The following ABI3BP variants were observed in gnomAD, a reference collection of about 807,000 sequenced individuals.
ABI3BP encodes target of Nesh-SH3.
In ABI3BP, 216 loss-of-function variants were observed where a neutral mutation model predicts 268.6. The ratio of observed to expected loss-of-function variants is 0.80; its 90% CI spans 0.72 to 0.90. The LOEUF (loss-of-function observed/expected upper bound fraction) is 0.90, where lower values mean the gene tolerates loss of function less well. Among genes scored for constraint, ABI3BP ranks in the 40% least tolerant of loss-of-function variants. The pLI, the probability that ABI3BP is intolerant of heterozygous loss-of-function variation, is 0.00. For missense variants in ABI3BP, 2,090 were observed against 2,182.4 expected, an observed-to-expected ratio of 0.96 and a Z score of 0.84; for synonymous variants, 730 against 730.0, an observed-to-expected ratio of 1.00 and a Z score of 0.00.
intron 2 of ABI3BP, among the ~76,000 whole-genome samples, chr3:100,912,330 A>G (rs1247681650): frequency 1.3e-5 from 2 of 150,148 alleles, no homozygotes; most frequent in South Asian, 2.1e-4. Flanking sequence ...GTATGCATCA[A>G]TGAGTCAAAG....
chr3:100,982,580 A>C (rs1464794149), intron 1 of ABI3BP, among the ~76,000 whole-genome samples: 1 of 151,910 alleles, frequency 6.6e-6, no homozygotes, highest in Non-Finnish European at 1.5e-5. Flanking sequence ...GGACTCCTGC[A>C]CTTTACCCAC....
At chr3:100,883,615 G>A (rs143778503) in intron 6 of ABI3BP, among the ~76,000 whole-genome samples, 2 of 152,152 alleles carry the variant, frequency 1.3e-5, no homozygotes, top group African/African-American at 2.4e-5. Context: ...CAACAATTTA[G>A]CGATGAAAAT....
Position 100,749,742 on chromosome 3 carries a change from C to T in ABI3BP, c.*753G>A, listed in dbSNP as rs139406979. 12 of 398,290 alleles carry T rather than the reference C, an allele frequency of 3.0e-5. No individual in the cohort carries two copies. Among genetic ancestry groups the T allele is most frequent in the African/African-American group, 1.9e-4 (9 of 48,646 alleles). The allele number at this position is 398,290 out of a possible 1,614,324, so 24.7% of individuals were successfully genotyped here. A position where few individuals can be genotyped will look rare whatever the true frequency, so the allele number is the denominator to read the frequency against. On this transcript the variant is annotated 3_prime_UTR_variant, in exon 68 of 68. Coordinates refer to ENST00000471714, the MANE Select transcript of ABI3BP (RefSeq NM_001375547.2). ...TAGAATCATAAAAACAATATGAAGA[C>T]GATTGCATAAAGGGATAGTTTGACA...
At chr3:100,833,181 C>G (rs1320377168) in intron 29 of ABI3BP, 24 bp from the exon 30 acceptor site, 8 of 1,528,676 alleles carry the variant, frequency 5.2e-6, no homozygotes, top group Non-Finnish European at 6.1e-6. Flanking sequence ...TGATCAAAAG[C>G]AATTTTAAAA....
chr3:100,780,313 C>G, intron 57 of ABI3BP, 104 bp from the exon 58 acceptor site: 1 of 1,077,132 alleles, frequency 9.3e-7, no homozygotes. Context: ...AGAGCAGGAG[C>G]ATTGGTGTTT....
At chr3:100,867,245 G>C (rs560226024) in intron 9 of ABI3BP, among the ~76,000 whole-genome samples, 1 of 151,018 alleles carries the variant, frequency 6.6e-6, no homozygotes, top group African/African-American at 2.4e-5. Context: ...ACATCTCAAA[G>C]TCATCTGATT....
chr3:100,847,869 T>C (rs890402737), intron 18 of ABI3BP, among the ~76,000 whole-genome samples, 196 bp from the exon 19 acceptor site: 4 of 152,226 alleles, frequency 2.6e-5, no homozygotes, highest in Non-Finnish European at 4.4e-5. Flanking sequence ...TATCTTATAA[T>C]GGAATAAGCA....
At position 100,866,956 on chromosome 3, in the gene ABI3BP, G is replaced by A; in HGVS notation, c.911C>T (p.Ala304Val). ...AGGTAATGCCAAGGTTTCATTCTTA[G>A]CTAAAAAGTCAGAGAACAAACAATT... Reference protein sequence around the residue: ...EISDALKTQLAKNETLALPAE... With the variant: ...EISDALKTQLVKNETLALPAE... Residue 304 changes from alanine (A) to valine (V), a missense_variant and splice_region_variant, in exon 10 of 68, where the codon GCT (alanine) becomes GTT (valine). By Grantham distance (64) the Ala-to-Val change is moderately conservative (BLOSUM62 0). Coordinates refer to ENST00000471714, the MANE Select transcript of ABI3BP (RefSeq NM_001375547.2). The A allele has an allele frequency of 6.2e-7, 1 of 1,613,314 alleles. No homozygotes were observed.
chr3:100,970,353 T>C (rs1348332266), intron 1 of ABI3BP, among the ~76,000 whole-genome samples: 7 of 152,140 alleles, frequency 4.6e-5, no homozygotes, highest in Admixed American at 3.9e-4. Flanking sequence ...GAGCACCCCA[T>C]TGGACACCTG....
At chr3:100,823,363 A>T in intron 37 of ABI3BP, 95 bp downstream of exon 37, 2 of 1,108,256 alleles carry the variant, frequency 1.8e-6, no homozygotes, top group Non-Finnish European at 2.5e-6. Flanking sequence ...TTGAATGGCC[A>T]TCAAGAATGA....
intron 1 of ABI3BP, among the ~76,000 whole-genome samples, chr3:100,987,160 A>G (rs961132498): frequency 1.3e-5 from 2 of 152,180 alleles, no homozygotes; most frequent in Non-Finnish European, 2.9e-5. Flanking sequence ...AATTGCAATC[A>G]GGGAACAGCA....
chr3:100,963,661 T>C (rs2080043045), intron 1 of ABI3BP, among the ~76,000 whole-genome samples: 1 of 152,234 alleles, frequency 6.6e-6, no homozygotes, highest in Non-Finnish European at 1.5e-5. Context: ...CCCCTGTTTC[T>C]CTTTCTCTCC....
intron 25 of ABI3BP, 23 bp from the exon 26 acceptor site, chr3:100,838,307 A>G (rs2098635897): frequency 6.5e-7 from 1 of 1,534,004 alleles, no homozygotes; most frequent in African/African-American, 1.4e-5. Flanking sequence ...AGAGTGCCAT[A>G]ATTAGTGTTA....
rs372040028 is a variant in ABI3BP, at chr3:100,829,737, T to C, written c.2459-73A>G. 85 of 1,190,360 alleles carry C rather than the reference T, an allele frequency of 7.1e-5. No homozygotes were observed. The African/African-American group carries it at 1.1e-3, about 16-fold the overall frequency. The allele number at this position is 1,190,360 out of a possible 1,614,324, so 73.7% of individuals were successfully genotyped here. ...GCTGTGGATAAGATTATACTTGTTA[T>C]AATTTCTTGACTTCCAAGAAATGTT... On this transcript the variant is annotated intron_variant, in intron 32 of 67. Coordinates refer to ENST00000471714, the MANE Select transcript of ABI3BP (RefSeq NM_001375547.2).
Position 100,838,443 on chromosome 3 carries a change from G to T in ABI3BP, c.1967C>A (p.Pro656His). The T allele has an allele frequency of 6.5e-7, 1 of 1,535,700 alleles. No homozygotes were observed. Among genetic ancestry groups the T allele is most frequent in the Non-Finnish European group, 8.7e-7 (1 of 1,146,680 alleles). The change falls in exon 25 of 68, where the codon CCT becomes CAT. Residue 656 changes from proline to histidine, a missense_variant. Coordinates refer to ENST00000471714, the MANE Select transcript of ABI3BP (RefSeq NM_001375547.2). ...TGCATCTGGTCTGTGTGTGGTTTTA[G>T]GTCTCTCAGATGGTTTTGAGGCTAA... ...PTTASKPSER[P>H]KTTHRPDAPQ...
At chr3:100,825,187 T>C (rs980220728) in intron 35 of ABI3BP, among the ~76,000 whole-genome samples, 5 of 152,132 alleles carry the variant, frequency 3.3e-5, no homozygotes, top group African/African-American at 1.2e-4. Context: ...GAGAAACTTA[T>C]AGAACTTCCT....
At chr3:100,938,093 G>A (rs1180037149) in intron 1 of ABI3BP, among the ~76,000 whole-genome samples, 1 of 151,912 alleles carries the variant, frequency 6.6e-6, no homozygotes, top group African/African-American at 2.4e-5. Context: ...GGGGCTAAAC[G>A]ATGAGAACAT....
Position 100,866,834 on chromosome 3 carries a change from G to A in ABI3BP, c.988+45C>T, listed in dbSNP as rs757794522. ...ACTGCAGATTAGTATTTGAAAAAAAGCATTTTTTCTTTTCTCAAGGTCAAC... is the reference window on the plus strand; with the variant it reads ...ACTGCAGATTAGTATTTGAAAAAAAACATTTTTTCTTTTCTCAAGGTCAAC... On this transcript the variant is annotated intron_variant, in intron 10 of 67. Coordinates refer to ENST00000471714, the MANE Select transcript of ABI3BP (RefSeq NM_001375547.2). 10 of 1,531,718 alleles carry A rather than the reference G, an allele frequency of 6.5e-6. No individual in the cohort carries two copies. In the Admixed American group the frequency reaches 8.9e-5, roughly 14 times the overall value. 94.9% of individuals were successfully genotyped at this position (1,531,718 alleles called of 1,614,324 possible). A position where few individuals can be genotyped will look rare whatever the true frequency, so the allele number is the denominator to read the frequency against.
At chr3:100,825,948 T>G in intron 34 of ABI3BP, 104 bp from the exon 35 acceptor site, 1 of 843,150 alleles carries the variant, frequency 1.2e-6, no homozygotes, top group African/African-American at 1.7e-5. Context: ...CTAGGATAAT[T>G]AAACATTTCT....
Sources: gnomAD v4.1 joint callset for allele counts (sites outside exome capture counted in the v4.1 genomes callset) on GRCh38, gnomAD v4.1.1 for gene constraint, MANE v1.5 for transcripts, NCBI Gene and HGNC (gene_info 2026-07-23, HGNC 2026-07-21) for gene names.